TEK: variants seen among roughly 807,000 people sequenced by gnomAD.
The protein encoded by TEK is TEK receptor tyrosine kinase.
Under a neutral mutation model 131.8 loss-of-function variants are expected in TEK, and 43 were observed. The observed-to-expected ratio is 0.33, with a 90% CI of 0.26 to 0.42. TEK has a LOEUF of 0.42. Among genes scored for constraint, TEK ranks in the 10% least tolerant of loss-of-function variants. TEK has a pLI of 1.00. For missense variants in TEK, 1,162 were observed against 1,384.4 expected, an observed-to-expected ratio of 0.84 and a Z score of 2.55; for synonymous variants, 580 against 491.6, an observed-to-expected ratio of 1.18 and a Z score of -2.38.
At chr9:27,138,244 C>T (rs529480865) in intron 1 of TEK, among the ~76,000 whole-genome samples, 115 of 152,298 alleles carry the variant, frequency 7.6e-4, no homozygotes, top group African/African-American at 2.6e-3. Context: ...AGCGGGTTGC[C>T]GCTGCTGGCT....
Position 27,204,928 on chromosome 9 carries a change from GGGGGGAAGAT to G in TEK, c.2229_2238del (p.Gly744CysfsTer3). The G allele has an allele frequency of 6.2e-7, 1 of 1,613,910 alleles. No individual in the cohort carries two copies. Among genetic ancestry groups the G allele is most frequent in the Non-Finnish European group, 8.5e-7 (1 of 1,179,834 alleles). ...CTGCACAGCACCAGCGGACCTCGGA[GGGGGGAAGAT>G]GCTGCTTATAGCCATCCTTGGCTCT... On this transcript the variant is annotated frameshift_variant, in exon 14 of 23. Coordinates refer to ENST00000380036, the MANE Select transcript of TEK (RefSeq NM_000459.5). LOFTEE classifies it high-confidence loss of function.
At chr9:27,183,643 G>A (rs770243313) in intron 8 of TEK, 33 bp downstream of exon 8, 7 of 1,613,028 alleles carry the variant, frequency 4.3e-6, no homozygotes, top group Non-Finnish European at 5.9e-6. Context: ...CCTTCTTAAA[G>A]CATGAGATGC....
chr9:27,224,813 A>T (rs1201843231), intron 21 of TEK, among the ~76,000 whole-genome samples: 1 of 152,240 alleles, frequency 6.6e-6, no homozygotes, highest in Non-Finnish European at 1.5e-5. Flanking sequence ...GAGGAAGTCA[A>T]ACTGTCTCTG....
At chr9:27,215,664 A>G (rs1825799152) in intron 18 of TEK, among the ~76,000 whole-genome samples, 1 of 151,692 alleles carries the variant, frequency 6.6e-6, no homozygotes, top group East Asian at 1.9e-4. Context: ...ATAGATTAAT[A>G]TATCCATCCC....
intron 1 of TEK, among the ~76,000 whole-genome samples, chr9:27,122,912 G>A (rs1465663466): frequency 7.2e-5 from 11 of 151,878 alleles, no homozygotes; most frequent in Admixed American, 3.9e-4. Flanking sequence ...AATTAGCCAG[G>A]CGTGGTGGCA....
At chr9:27,192,034 T>C in intron 10 of TEK, 1 of 440,952 alleles carries the variant, frequency 2.3e-6, no homozygotes, top group South Asian at 1.6e-5. Flanking sequence ...AATGCTTCAT[T>C]GTAATAGTAT....
At chr9:27,198,730 T>C (rs1413832) in intron 12 of TEK, among the ~76,000 whole-genome samples, 37,888 of 152,126 alleles carry the variant, frequency 0.25, 4,898 homozygotes, top group Admixed American at 0.33. Flanking sequence ...TATCCCTATC[T>C]ATTTCTATTC....
intron 12 of TEK, among the ~76,000 whole-genome samples, chr9:27,202,422 A>G (rs1464639367): frequency 6.6e-6 from 1 of 152,216 alleles, no homozygotes; most frequent in Non-Finnish European, 1.5e-5. Flanking sequence ...CTCAGCACTT[A>G]CAGAAAGATT....
At chr9:27,209,279 G>C (rs1482379948) in intron 16 of TEK, 48 bp downstream of exon 16, 1 of 1,338,282 alleles carries the variant, frequency 7.5e-7, no homozygotes, top group Non-Finnish European at 1.1e-6. Flanking sequence ...TTATAAAACA[G>C]ACAAATTCCA....
rs762737786 is a variant in TEK, at chr9:27,180,384, A to G, written c.1030+16A>G. The G allele has an allele frequency of 2.5e-6, 4 of 1,610,116 alleles. No individual in the cohort carries two copies. The highest frequency in any genetic ancestry group is 3.4e-6 in the Non-Finnish European group (4 of 1,178,024). On this transcript the variant is annotated intron_variant, in intron 7 of 22. Coordinates refer to ENST00000380036, the MANE Select transcript of TEK (RefSeq NM_000459.5). ...GAGAGAGAAGGTAAAGCAAGGTAAC[A>G]CTGTAGTCAGGGCCATGTTCAGCAT... is the stretch of plus-strand genomic sequence containing the variant.
intron 2 of TEK, among the ~76,000 whole-genome samples, chr9:27,166,654 TTTAG>T (rs1823741746): frequency 6.6e-6 from 1 of 152,230 alleles, no homozygotes; most frequent in African/African-American, 2.4e-5. Context: ...ACTAGCTTTA[TTTAG>T]TATTAGTTTG....
chr9:27,203,259 T>A, intron 13 of TEK, 140 bp downstream of exon 13: 1 of 872,804 alleles, frequency 1.1e-6, no homozygotes, highest in Non-Finnish European at 1.8e-6. Context: ...AGGTCCTTAA[T>A]ATCAAAATGC....
In TEK at chr9:27,202,879, A is replaced by G. The variant is rs775224047; in HGVS notation, c.1969A>G (p.Ile657Val). ...ISNITHSSAV[I>V]SWTILDGYSI... ...CAACATTACACACTCCTCAGCTGTG[A>G]TTTCTTGGACAATATTGGATGGCTA... is the stretch of plus-strand genomic sequence containing the variant. The change falls in exon 13 of 23, where the codon ATT (isoleucine) becomes GTT (valine). Residue 657 changes from isoleucine (I) to valine (V), a missense_variant. Transcript: ENST00000380036. 6.2e-7 allele frequency: 1 copy of G among 1,614,098 alleles called. No individual in the cohort carries two copies. The highest frequency in any genetic ancestry group is 2.2e-5 in the East Asian group (1 of 44,884).
At chr9:27,209,022 T>C (rs1253712801) in intron 15 of TEK, 99 bp from the exon 16 acceptor site, 3 of 777,250 alleles carry the variant, frequency 3.9e-6, no homozygotes, top group Non-Finnish European at 6.9e-6. Context: ...CAGTTGATGG[T>C]GACTGAGGGT....
chr9:27,175,406 G>A (rs1203038530), intron 6 of TEK, among the ~76,000 whole-genome samples: 1 of 151,350 alleles, frequency 6.6e-6, no homozygotes, highest in Non-Finnish European at 1.5e-5. Context: ...ATTTGGGTTG[G>A]TTCCAAGTCT....
chr9:27,170,512 C>T (rs1419628267), intron 4 of TEK, among the ~76,000 whole-genome samples: 2 of 152,134 alleles, frequency 1.3e-5, no homozygotes, highest in Non-Finnish European at 2.9e-5. Context: ...GTAGTTCTAG[C>T]TATTTGACAG....
chr9:27,116,225 A>T (rs1821551662), intron 1 of TEK, among the ~76,000 whole-genome samples: 1 of 152,168 alleles, frequency 6.6e-6, no homozygotes, highest in African/African-American at 2.4e-5. Flanking sequence ...AGTGTGCTGA[A>T]TGGAGGTGGG....
chr9:27,140,510 A>C (rs1448977654), intron 1 of TEK, among the ~76,000 whole-genome samples: 1 of 152,036 alleles, frequency 6.6e-6, no homozygotes, highest in African/African-American at 2.4e-5. Flanking sequence ...GGTTATTTTA[A>C]GGATTGCCAA....
chr9:27,225,725 A>G (rs1261960604), intron 21 of TEK, among the ~76,000 whole-genome samples: 4 of 152,244 alleles, frequency 2.6e-5, no homozygotes, highest in Admixed American at 2.0e-4. Flanking sequence ...ACAAAAGCCA[A>G]AATTGACAAA....
Sources: allele counts gnomAD v4.1 joint callset (sites outside exome capture counted in the v4.1 genomes callset), GRCh38; gene constraint gnomAD v4.1.1; transcripts MANE v1.5; gene names NCBI Gene and HGNC (gene_info 2026-07-23, HGNC 2026-07-21).